Variants in RNPC3 observed in about 807,000 individuals in gnomAD.
RNPC3 encodes the protein RNA binding region (RNP1, RRM) containing 3.
In RNPC3, 48 loss-of-function variants were observed where a neutral mutation model predicts 67.5. The observed-to-expected ratio is 0.71, with a 90% CI of 0.56 to 0.90. The LOEUF (loss-of-function observed/expected upper bound fraction) is 0.90. Ranked by LOEUF, RNPC3 falls within the 40% of genes least tolerant of loss-of-function variation. RNPC3 has a pLI of 0.00. For synonymous variants in RNPC3, 239 were observed against 210.3 expected (o/e 1.14, Z -1.18); for missense variants, 637 against 626.1 (o/e 1.02, Z -0.19).
intron 2 of RNPC3, among the ~76,000 whole-genome samples, chr1:103,530,274 A>T (rs944321175): frequency 6.6e-6 from 1 of 152,190 alleles, no homozygotes; most frequent in Non-Finnish European, 1.5e-5. Flanking sequence ...TTAGAAGATG[A>T]TAAATGCTAT....
chr1:103,527,963 T>A (rs1650758192), intron 2 of RNPC3, among the ~76,000 whole-genome samples: 1 of 152,228 alleles, frequency 6.6e-6, no homozygotes, highest in Non-Finnish European at 1.5e-5. Context: ...AAATAACAAT[T>A]TCTAAATGAT....
intron 10 of RNPC3, 80 bp from the exon 11 acceptor site, chr1:103,546,168 G>T: frequency 3.5e-6 from 2 of 577,808 alleles, no homozygotes; most frequent in South Asian, 7.6e-5. Context: ...TTAACAATTA[G>T]GTTTCAAAAT....
intron 2 of RNPC3, among the ~76,000 whole-genome samples, chr1:103,532,446 G>C (rs1650881773): frequency 6.6e-6 from 1 of 152,052 alleles, no homozygotes; most frequent in South Asian, 2.1e-4. Flanking sequence ...ATATCTATGG[G>C]GCGCTATCCA....
chr1:103,535,298 C>T, intron 4 of RNPC3, 32 bp from the exon 5 acceptor site: 1 of 1,380,464 alleles, frequency 7.2e-7, no homozygotes, highest in Non-Finnish European at 9.9e-7. Context: ...ATTATGAAAA[C>T]ATAAGCATCT....
At chr1:103,550,182 A>G (rs1324052229) in intron 12 of RNPC3, among the ~76,000 whole-genome samples, 1 of 151,716 alleles carries the variant, frequency 6.6e-6, no homozygotes, top group African/African-American at 2.4e-5. Flanking sequence ...TAATAATCAT[A>G]ATAATAATAA....
In RNPC3 at chr1:103,525,990, T is replaced by A; in HGVS notation, c.-81T>A. ...AATCCTTAGCGCGAGGCGGAAAAAA[T>A]ATTTCTCCCAGCTTGTGTTGATGCC... On this transcript the variant is annotated 5_prime_UTR_variant, in exon 1 of 15. Coordinates refer to ENST00000423855, the MANE Select transcript of RNPC3 (RefSeq NM_017619.4). 8.8e-7 allele frequency: 1 copy of A among 1,142,808 alleles called. No homozygotes were observed. Among genetic ancestry groups the A allele is most frequent in the South Asian group, 1.6e-5 (1 of 61,582 alleles). 70.8% of individuals were successfully genotyped at this position (1,142,808 alleles called of 1,614,324 possible). A position where few individuals can be genotyped will look rare whatever the true frequency, so the allele number is the denominator to read the frequency against.
chr1:103,527,841 T>A, intron 2 of RNPC3, 99 bp downstream of exon 2: 1 of 822,696 alleles, frequency 1.2e-6, no homozygotes, highest in Non-Finnish European at 1.9e-6. Flanking sequence ...AGCAAAAGCG[T>A]TTGTATTCCA....
intron 2 of RNPC3, among the ~76,000 whole-genome samples, chr1:103,529,851 A>T (rs932805761): frequency 6.6e-6 from 1 of 152,192 alleles, no homozygotes; most frequent in African/African-American, 2.4e-5. Context: ...GCACAGCAGG[A>T]GGTGACTGGC....
chr1:103,527,425 G>A (rs1310209109), intron 1 of RNPC3, among the ~76,000 whole-genome samples: 3 of 152,162 alleles, frequency 2.0e-5, no homozygotes, highest in Non-Finnish European at 4.4e-5. Flanking sequence ...TGTAGAACAG[G>A]TCTTTAAACT....
chr1:103,532,601 C>T (rs1029528610), intron 2 of RNPC3, among the ~76,000 whole-genome samples: 1 of 152,012 alleles, frequency 6.6e-6, no homozygotes, highest in Non-Finnish European at 1.5e-5. Flanking sequence ...AAGACCAGGA[C>T]AAGAGCTCTG....
At chr1:103,533,490 C>T (rs1650909507) in intron 2 of RNPC3, among the ~76,000 whole-genome samples, 1 of 151,950 alleles carries the variant, frequency 6.6e-6, no homozygotes, top group Non-Finnish European at 1.5e-5. Flanking sequence ...TAGCCATTTT[C>T]AGCTGCCTGG....
chr1:103,549,787 T>G (rs576205527), intron 12 of RNPC3, among the ~76,000 whole-genome samples: 1 of 152,218 alleles, frequency 6.6e-6, no homozygotes, highest in Non-Finnish European at 1.5e-5. Flanking sequence ...TCTCTGGACA[T>G]CACCTGTAAA....
intron 7 of RNPC3, among the ~76,000 whole-genome samples, chr1:103,537,836 T>G (rs1651022569): frequency 6.6e-6 from 1 of 151,544 alleles, no homozygotes; most frequent in African/African-American, 2.4e-5. Context: ...GCTTTTTATT[T>G]ATTATTATTA....
Position 103,535,418 on chromosome 1 carries a change from AG to A in RNPC3, c.533del (p.Ser178ThrfsTer13). 1 of 1,535,236 alleles carries A rather than the reference AG, an allele frequency of 6.5e-7. No individual in the cohort carries two copies. Among genetic ancestry groups the A allele is most frequent in the Non-Finnish European group, 8.7e-7 (1 of 1,145,336 alleles). The stretch of plus-strand genomic sequence containing the variant: ...AGCAAACATTGTAAATGCCTTGGCA[AG>A]CGTGCCTAAGTTCTATGTACAGGTA... ...ILANIVNALA[S>X]VPKFYVQVLH... On this transcript the variant is annotated frameshift_variant, in exon 5 of 15. Transcript: ENST00000423855. LOFTEE classifies it high-confidence loss of function.
intron 14 of RNPC3, chr1:103,554,778 A>T (rs1217512211): frequency 6.6e-6 from 1 of 152,618 alleles, no homozygotes; most frequent in Admixed American, 6.5e-5. Flanking sequence ...AAACAATTGA[A>T]AATTCGGTTA....
chr1:103,529,699 C>T (rs1650798948), intron 2 of RNPC3, among the ~76,000 whole-genome samples: 1 of 152,198 alleles, frequency 6.6e-6, no homozygotes, highest in African/African-American at 2.4e-5. Context: ...GTCTAAAGTT[C>T]ATTTAGGGTC....
chr1:103,535,945 G>A (rs1348389930), intron 5 of RNPC3, among the ~76,000 whole-genome samples, 181 bp from the exon 6 acceptor site: 2 of 152,036 alleles, frequency 1.3e-5, no homozygotes, highest in Non-Finnish European at 2.9e-5. Flanking sequence ...ATTTTAGGAA[G>A]GTTAATCTGA....
chr1:103,531,749 G>C (rs904232795), intron 2 of RNPC3, among the ~76,000 whole-genome samples: 6 of 151,996 alleles, frequency 3.9e-5, no homozygotes, highest in African/African-American at 1.4e-4. Context: ...TTTTTTGGAT[G>C]TATAGATTGC....
chr1:103,546,412 G>C (rs1651245446), intron 11 of RNPC3, 70 bp downstream of exon 11: 8 of 749,674 alleles, frequency 1.1e-5, no homozygotes, highest in Non-Finnish European at 1.6e-5. Flanking sequence ...ATGTGTTAAA[G>C]TCTGTTTGAA....
Sources: allele counts gnomAD v4.1 joint callset (sites outside exome capture counted in the v4.1 genomes callset), GRCh38; gene constraint gnomAD v4.1.1; transcripts MANE v1.5; gene names NCBI Gene and HGNC (gene_info 2026-07-23, HGNC 2026-07-21).